Variants in ADAMTS12 observed in about 807,000 individuals in gnomAD.
ADAMTS12 encodes the protein A disintegrin and metalloproteinase with thrombospondin motifs 12.
Under a neutral mutation model 167.8 loss-of-function variants are expected in ADAMTS12, and 118 were observed. The observed-to-expected ratio is 0.70, with a 90% confidence interval of 0.61 to 0.82. The LOEUF (loss-of-function observed/expected upper bound fraction) is 0.82, where lower values mean the gene tolerates loss of function less well. Ranked by LOEUF, ADAMTS12 falls within the 40% of genes least tolerant of loss-of-function variation. The pLI is 0.00. For missense variants in ADAMTS12, 1,916 were observed against 1,998.8 expected, an observed-to-expected ratio of 0.96 and a Z score of 0.79; for synonymous variants, 704 against 716.9, an observed-to-expected ratio of 0.98 and a Z score of 0.29.
chr5:33,696,884 G>A (rs1327457225), intron 3 of ADAMTS12, among the ~76,000 whole-genome samples: 5 of 151,940 alleles, frequency 3.3e-5, no homozygotes, highest in African/African-American at 9.7e-5. Flanking sequence ...AGTTCTTTTC[G>A]GCTTAATATG....
chr5:33,798,897 G>C (rs1332171181), intron 2 of ADAMTS12, among the ~76,000 whole-genome samples: 1 of 152,156 alleles, frequency 6.6e-6, no homozygotes, highest in Non-Finnish European at 1.5e-5. Context: ...GTCTATAACA[G>C]ATAGCATCAC....
chr5:33,696,471 C>G (rs1742779913), intron 3 of ADAMTS12, among the ~76,000 whole-genome samples: 1 of 151,314 alleles, frequency 6.6e-6, no homozygotes, highest in African/African-American at 2.4e-5. Flanking sequence ...TGTCCAAAAC[C>G]TTTCAGTTGT....
intron 16 of ADAMTS12, among the ~76,000 whole-genome samples, chr5:33,604,479 CAA>C (rs780255899): frequency 5.1e-4 from 72 of 141,174 alleles, no homozygotes; most frequent in Non-Finnish European, 7.2e-4. Flanking sequence ...CTAGCTTGGG[CAA>C]AAAGACCAAA....
intron 7 of ADAMTS12, 72 bp from the exon 8 acceptor site, chr5:33,649,769 C>G (rs1740808927): frequency 6.4e-7 from 1 of 1,567,498 alleles, no homozygotes; most frequent in Non-Finnish European, 8.6e-7. Flanking sequence ...CCATAGTTTC[C>G]CTAAGAGCGT....
intron 22 of ADAMTS12, among the ~76,000 whole-genome samples, chr5:33,545,130 C>T (rs1160199540): frequency 6.6e-6 from 1 of 152,150 alleles, no homozygotes; most frequent in Non-Finnish European, 1.5e-5. Flanking sequence ...GGCTAATATC[C>T]AGAATCTGCA....
chr5:33,689,086 C>T (rs1384612756), intron 3 of ADAMTS12, among the ~76,000 whole-genome samples: 1 of 152,202 alleles, frequency 6.6e-6, no homozygotes, highest in African/African-American at 2.4e-5. Flanking sequence ...TGGGCAGCAA[C>T]ACAGCAACAT....
At chr5:33,684,483 C>G (rs979060789) in intron 3 of ADAMTS12, among the ~76,000 whole-genome samples, 8 of 152,164 alleles carry the variant, frequency 5.3e-5, no homozygotes, top group Non-Finnish European at 1.0e-4. Flanking sequence ...AATTGATGCT[C>G]AAAGTGGCTG....
intron 12 of ADAMTS12, among the ~76,000 whole-genome samples, chr5:33,631,274 C>A (rs1246207130): frequency 6.6e-6 from 1 of 152,122 alleles, no homozygotes; most frequent in Non-Finnish European, 1.5e-5. Flanking sequence ...GTTATTGCAA[C>A]CAGCCATGAA....
At chr5:33,798,063 T>A (rs1483448179) in intron 2 of ADAMTS12, among the ~76,000 whole-genome samples, 1 of 152,212 alleles carries the variant, frequency 6.6e-6, no homozygotes, top group African/African-American at 2.4e-5. Context: ...GAACTGACTA[T>A]CCTTCTCGTT....
chr5:33,676,716 A>G (rs1741925519), intron 5 of ADAMTS12, among the ~76,000 whole-genome samples: 1 of 151,922 alleles, frequency 6.6e-6, no homozygotes, highest in Non-Finnish European at 1.5e-5. Context: ...ACAGAGAGAG[A>G]GAGAGAGAGA....
intron 2 of ADAMTS12, among the ~76,000 whole-genome samples, chr5:33,802,776 A>G (rs1747060091): frequency 2.6e-5 from 4 of 152,344 alleles, no homozygotes; most frequent in African/African-American, 7.2e-5. Context: ...TACAAATGTT[A>G]GCAATAGCAG....
intron 3 of ADAMTS12, among the ~76,000 whole-genome samples, chr5:33,686,765 C>G (rs538176177): frequency 1.4e-5 from 2 of 146,090 alleles, no homozygotes; most frequent in Middle Eastern, 3.2e-3. Flanking sequence ...ACCTCTCTCT[C>G]TATATATATA....
At chr5:33,863,498 A>T (rs922427905) in intron 2 of ADAMTS12, among the ~76,000 whole-genome samples, 1 of 152,216 alleles carries the variant, frequency 6.6e-6, no homozygotes, top group Non-Finnish European at 1.5e-5. Context: ...AATGTAAATG[A>T]CCTCTTCAAA....
chr5:33,649,814 C>T (rs1311716672), intron 7 of ADAMTS12, 117 bp from the exon 8 acceptor site: 3 of 1,314,118 alleles, frequency 2.3e-6, no homozygotes, highest in Non-Finnish European at 3.1e-6. Flanking sequence ...GTACAGAAGG[C>T]AACTGTTTGC....
intron 2 of ADAMTS12, among the ~76,000 whole-genome samples, chr5:33,788,522 G>GA (rs1746415910): frequency 6.6e-6 from 1 of 152,088 alleles, no homozygotes; most frequent in Non-Finnish European, 1.5e-5. Context: ...AAAAGCAAAT[G>GA]TTGTCTTTCT....
chr5:33,550,978 T>C (rs1026200710), intron 20 of ADAMTS12, among the ~76,000 whole-genome samples: 6 of 152,156 alleles, frequency 3.9e-5, no homozygotes, highest in Non-Finnish European at 5.9e-5. Context: ...TTCTTTACCC[T>C]CTGAATCCTT....
At chr5:33,846,972 C>A (rs1317020550) in intron 2 of ADAMTS12, among the ~76,000 whole-genome samples, 1 of 152,174 alleles carries the variant, frequency 6.6e-6, no homozygotes, top group Non-Finnish European at 1.5e-5. Context: ...CTCTTGCCCA[C>A]CAATACCTCC....
chr5:33,644,015 G>A (rs1236213843), intron 9 of ADAMTS12, among the ~76,000 whole-genome samples: 1 of 152,198 alleles, frequency 6.6e-6, no homozygotes, highest in African/African-American at 2.4e-5. Flanking sequence ...GGGGATAAAG[G>A]AAGGTTGGCA....
rs924878331 is a variant in ADAMTS12 at position 33,657,141 on chromosome 5, A to G, written c.1190+1043T>C. The stretch of plus-strand genomic sequence containing the variant: ...AACAATTCTGTTTCTCCAATTCTCA[A>G]AGCAATGCTCTGGCTTTATAATGTA... On this transcript the variant is annotated intron_variant, in intron 7 of 23. Coordinates refer to ENST00000504830, the MANE Select transcript of ADAMTS12 (RefSeq NM_030955.4). Among the ~76,000 whole-genome samples, 6 of 152,220 alleles carry G rather than the reference A, an allele frequency of 3.9e-5. No homozygotes were observed. In the South Asian group the frequency reaches 1.2e-3, roughly 31 times the overall value.
Sources: gnomAD v4.1 joint callset for allele counts (sites outside exome capture counted in the v4.1 genomes callset) on GRCh38, gnomAD v4.1.1 for gene constraint, MANE v1.5 for transcripts, NCBI Gene and HGNC (gene_info 2026-07-23, HGNC 2026-07-21) for gene names.